INPP5F: variants seen among roughly 807,000 people sequenced by gnomAD.
INPP5F encodes inositol polyphosphate-5-phosphatase F, also known as phosphatidylinositide 4-phosphatase SAC2.
A neutral mutation model predicts 137.2 loss-of-function variants in INPP5F; 97 were observed. That is an observed-to-expected ratio of 0.71 (90% CI 0.60 to 0.84). The LOEUF (loss-of-function observed/expected upper bound fraction) is 0.84, where lower values mean the gene tolerates loss of function less well. Ranked by LOEUF, INPP5F falls within the 40% of genes least tolerant of loss-of-function variation. The probability of loss-of-function intolerance (pLI) is 0.00; values close to 1 mark genes in which losing one functional copy is unlikely to be tolerated. For missense variants in INPP5F, 1,271 were observed against 1,371.9 expected (o/e 0.93, Z 1.16); for synonymous variants, 504 against 476.9 (o/e 1.06, Z -0.74).
chr10:119,733,468 C>T (rs1327879953), intron 1 of INPP5F, among the ~76,000 whole-genome samples: 1 of 152,184 alleles, frequency 6.6e-6, no homozygotes, highest in South Asian at 2.1e-4. Flanking sequence ...GGAACTATTT[C>T]CTCCAGTGGT....
At chr10:119,821,734 C>T (rs1273354059) in intron 16 of INPP5F, among the ~76,000 whole-genome samples, 1 of 149,604 alleles carries the variant, frequency 6.7e-6, no homozygotes, top group African/African-American at 2.5e-5. Context: ...ATCTCTGCCT[C>T]CCTCCGTCTC....
At position 119,748,151 on chromosome 10, in the gene INPP5F, C is replaced by T. The variant is rs1443382889; in HGVS notation, c.98-2925C>T. Among the ~76,000 whole-genome samples, 1 of 152,246 alleles carries T rather than the reference C, an allele frequency of 6.6e-6. No homozygotes were observed. The highest frequency in any genetic ancestry group is 2.4e-5 in the African/African-American group (1 of 41,474). On this transcript the variant is annotated intron_variant, in intron 1 of 19. Coordinates refer to ENST00000650623, the MANE Select transcript of INPP5F (RefSeq NM_014937.4). The surrounding 1 kb of genome is among the most constrained non-coding windows in gnomAD (Gnocchi z 4.7). ...GCGTGCACGGTCCAGACACTATGCACAGCCAGGTGTGCCAGCCGTGGCAGG... is the reference window on the plus strand; with the variant it reads ...GCGTGCACGGTCCAGACACTATGCATAGCCAGGTGTGCCAGCCGTGGCAGG...
intron 18 of INPP5F, among the ~76,000 whole-genome samples, chr10:119,823,590 T>G (rs920262232): frequency 6.8e-6 from 1 of 147,998 alleles, no homozygotes; most frequent in Non-Finnish European, 1.5e-5. Context: ...CAAACTTTTA[T>G]TCCCCGATTT....
intron 6 of INPP5F, among the ~76,000 whole-genome samples, chr10:119,794,714 T>G (rs1352711134): frequency 8.6e-6 from 1 of 116,462 alleles, no homozygotes; most frequent in African/African-American, 3.4e-5. Flanking sequence ...CCCACCTCCC[T>G]CCCGGACGGG....
chr10:119,777,479 T>G (rs1188080988), intron 2 of INPP5F, among the ~76,000 whole-genome samples: 1 of 151,988 alleles, frequency 6.6e-6, no homozygotes, highest in African/African-American at 2.4e-5. Flanking sequence ...TAAGCCGAGA[T>G]TGCGCCACCG....
Position 119,826,709 on chromosome 10 carries a change from T to C in INPP5F, c.2328T>C (p.Phe776=). Residue 776 remains phenylalanine (F), a synonymous_variant, in exon 20 of 20, where the codon TTT becomes TTC. Coordinates refer to ENST00000650623, the MANE Select transcript of INPP5F (RefSeq NM_014937.4). ...GTTCTTTGGCCCAGGGAAAGAATTT[T>C]TTAATGAGCAAATTTTCATCTCTAA... The part of the protein sequence containing the change: ...NQGSLAQGKN[F]LMSKFSSLNQ... 1.2e-6 allele frequency: 2 copies of C among 1,612,864 alleles called. No homozygotes were observed. Among genetic ancestry groups the C allele is most frequent in the Non-Finnish European group, 1.7e-6 (2 of 1,179,712 alleles).
chr10:119,824,868 C>T (rs1851701406), intron 19 of INPP5F, among the ~76,000 whole-genome samples: 1 of 152,154 alleles, frequency 6.6e-6, no homozygotes, highest in South Asian at 2.1e-4. Context: ...GATTAATAAC[C>T]TTTTATTGCC....
At chr10:119,746,270 T>C (rs1247326014) in intron 1 of INPP5F, among the ~76,000 whole-genome samples, 1 of 152,240 alleles carries the variant, frequency 6.6e-6, no homozygotes, top group East Asian at 1.9e-4. Flanking sequence ...TTATGCCTGA[T>C]GCGCCACTTC....
rs71019722 is a variant in INPP5F, at chr10:119,809,226, C to CAA, written c.1570-854_1570-853dup. On this transcript the variant is annotated intron_variant, in intron 13 of 19. Coordinates refer to ENST00000650623, the MANE Select transcript of INPP5F (RefSeq NM_014937.4). The stretch of plus-strand genomic sequence containing the variant: ...TGGGCGACAGAGCGAGACTCTGTCT[C>CAA]AAAAAAAAAAAAAAAAAAAAAGCCT... 6.2e-3 allele frequency among the ~76,000 whole-genome samples: 362 copies of CAA among 58,330 alleles called. 8 individuals carry two copies. The highest frequency in any genetic ancestry group is 0.012 in the South Asian group (19 of 1,550). The allele number at this position is 58,330 out of a possible 152,430, so 38.3% of individuals were successfully genotyped here. A position where few individuals can be genotyped will look rare whatever the true frequency, so the allele number is the denominator to read the frequency against.
At chr10:119,754,967 A>G (rs140243591) in intron 2 of INPP5F, among the ~76,000 whole-genome samples, 1 of 152,326 alleles carries the variant, frequency 6.6e-6, no homozygotes, top group African/African-American at 2.4e-5. Flanking sequence ...TAAAATGTCT[A>G]TACTGAAACT....
At chr10:119,794,230 A>T (rs974497815) in intron 6 of INPP5F, among the ~76,000 whole-genome samples, 1 of 151,874 alleles carries the variant, frequency 6.6e-6, no homozygotes, top group South Asian at 2.1e-4. Context: ...CTTAAAGAGC[A>T]TGCTGCCTTC....
Position 119,804,275 on chromosome 10 carries a change from T to G in INPP5F, c.1219T>G (p.Ser407Ala). 1 of 1,611,970 alleles carries G rather than the reference T, an allele frequency of 6.2e-7. No homozygotes were observed. The highest frequency in any genetic ancestry group is 1.3e-5 in the African/African-American group (1 of 74,978). ...CAACAACTCACACCTCACTTACGTT[T>G]CGTTTGACTTCCATGAGCACTGGTA... The part of the protein sequence containing the change: ...LFNNSHLTYV[S>A]FDFHEHCRGM... The change falls in exon 10 of 20, where the codon TCG becomes GCG. Residue 407 changes from serine (S) to alanine (A), a missense_variant. Ser to Ala is a moderately conservative substitution (Grantham distance 99). Coordinates refer to ENST00000650623, the MANE Select transcript of INPP5F (RefSeq NM_014937.4).
intron 3 of INPP5F, among the ~76,000 whole-genome samples, chr10:119,785,286 G>GTTGTTTTTTTTTTTT (rs770290302): frequency 1.9e-5 from 2 of 106,226 alleles, no homozygotes; most frequent in African/African-American, 7.5e-5. Context: ...CTGCCAGACT[G>GTTGTTTTTTTTTTTT]TTTTTTTTTT....
At chr10:119,789,829 C>G (rs1309768503) in intron 3 of INPP5F, among the ~76,000 whole-genome samples, 3 of 151,276 alleles carry the variant, frequency 2.0e-5, no homozygotes, top group African/African-American at 7.3e-5. Context: ...CGTTGGGGCA[C>G]CTAGACATCA....
chr10:119,735,471 T>C (rs1248931680), intron 1 of INPP5F, among the ~76,000 whole-genome samples: 3 of 152,254 alleles, frequency 2.0e-5, no homozygotes, highest in East Asian at 1.9e-4. Context: ...GAAGCAGTTA[T>C]CTAACTGAAA....
At chr10:119,741,678 G>A (rs189253205) in intron 1 of INPP5F, among the ~76,000 whole-genome samples, 119 of 152,178 alleles carry the variant, frequency 7.8e-4, no homozygotes, top group African/African-American at 2.8e-3. Flanking sequence ...GGGATTACAG[G>A]TGCTCATCAG....
intron 15 of INPP5F, 36 bp from the exon 16 acceptor site, chr10:119,820,810 T>C (rs1465603071): frequency 4.6e-6 from 7 of 1,523,210 alleles, no homozygotes; most frequent in South Asian, 4.5e-5. Flanking sequence ...CAGATGGAAA[T>C]GAAAATACTT....
intron 6 of INPP5F, 71 bp from the exon 7 acceptor site, chr10:119,796,644 T>C: frequency 9.0e-7 from 1 of 1,114,216 alleles, no homozygotes; most frequent in Non-Finnish European, 1.4e-6. Flanking sequence ...ATGTGCTGAC[T>C]ACTGTTTGGG....
intron 19 of INPP5F, among the ~76,000 whole-genome samples, 178 bp from the exon 20 acceptor site, chr10:119,826,453 T>C (rs1396943794): frequency 1.3e-5 from 2 of 152,262 alleles, no homozygotes; most frequent in African/African-American, 4.8e-5. Flanking sequence ...GTATTTCATA[T>C]ATTTCTATTG....
Sources: allele counts gnomAD v4.1 joint callset (sites outside exome capture counted in the v4.1 genomes callset), GRCh38; gene constraint gnomAD v4.1.1; non-coding constraint Gnocchi (gnomAD v3.1); transcripts MANE v1.5; gene names NCBI Gene and HGNC (gene_info 2026-07-23, HGNC 2026-07-21).